BCL2L14: variants seen among roughly 807,000 people sequenced by gnomAD.
The protein encoded by BCL2L14 is apoptosis facilitator Bcl-2-like protein 14.
BCL2L14 carries 27 observed loss-of-function variants against 35.3 expected under a neutral mutation model. The observed-to-expected ratio is 0.76, with a 90% CI of 0.56 to 1.05. The LOEUF (loss-of-function observed/expected upper bound fraction) is 1.05, where lower values mean the gene tolerates loss of function less well. BCL2L14 is among the 50% of genes least tolerant of loss of function. The pLI, the probability that BCL2L14 is intolerant of heterozygous loss-of-function variation, is 0.00. For synonymous variants in BCL2L14, 139 were observed against 145.9 expected (o/e 0.95, Z 0.34); for missense variants, 377 against 382.6 (o/e 0.99, Z 0.12).
intron 1 of BCL2L14, chr12:12,072,412 G>C (rs562447383): frequency 1.3e-5 from 2 of 152,338 alleles, no homozygotes; most frequent in Non-Finnish European, 2.9e-5. Flanking sequence ...GGGGCCAGAC[G>C]TGGAGGACCC....
chr12:12,076,252 G>A (rs184200286), intron 1 of BCL2L14, among the ~76,000 whole-genome samples: 15 of 151,898 alleles, frequency 9.9e-5, no homozygotes, highest in Admixed American at 5.9e-4. Context: ...ATTGGGGAGC[G>A]GGAAGGGGTA....
At chr12:12,063,808 G>A (rs1001053770) in intron 2 of BCL2L14, among the ~76,000 whole-genome samples, 2 of 152,048 alleles carry the variant, frequency 1.3e-5, no homozygotes, top group Non-Finnish European at 2.9e-5. Flanking sequence ...GCCTGTTCCT[G>A]CCTTAACTGA....
chr12:12,087,995 G>A (rs886685115), intron 3 of BCL2L14, among the ~76,000 whole-genome samples: 19 of 152,132 alleles, frequency 1.2e-4, no homozygotes, highest in East Asian at 1.2e-3. Context: ...AGCTCTGCCC[G>A]GCATTCCCCC....
At chr12:12,065,794 A>G (rs903098900) in intron 2 of BCL2L14, among the ~76,000 whole-genome samples, 2 of 139,852 alleles carry the variant, frequency 1.4e-5, no homozygotes, top group South Asian at 2.3e-4. Context: ...CTTTGTTTCT[A>G]TTTTTTTTTT....
At chr12:12,075,043 A>G (rs1948847299) in intron 1 of BCL2L14, among the ~76,000 whole-genome samples, 1 of 152,170 alleles carries the variant, frequency 6.6e-6, no homozygotes, top group Non-Finnish European at 1.5e-5. Flanking sequence ...AGTATGTTTG[A>G]ATTACGATTT....
upstream of BCL2L14, among the ~76,000 whole-genome samples, chr12:12,066,835 T>C (rs573685236): frequency 6.6e-6 from 1 of 151,746 alleles, no homozygotes; most frequent in African/African-American, 2.4e-5. Context: ...CTCAGCCTCC[T>C]GAGTAGCTGG....
intron 1 of BCL2L14, among the ~76,000 whole-genome samples, chr12:12,072,950 G>T (rs974100440): frequency 6.6e-6 from 1 of 151,794 alleles, no homozygotes; most frequent in African/African-American, 2.4e-5. Context: ...GCACTGGCGC[G>T]ATCATAGCTC....
At chr12:12,095,097 T>G in intron 5 of BCL2L14, 167 bp downstream of exon 5, 1 of 985,162 alleles carries the variant, frequency 1.0e-6, no homozygotes, top group Non-Finnish European at 1.2e-6. Flanking sequence ...ATATTTTTAG[T>G]GATTATCTTC....
chr12:12,078,156 C>G (rs527617052), intron 1 of BCL2L14: 1 of 168,158 alleles, frequency 5.9e-6, no homozygotes, highest in South Asian at 1.3e-4. Context: ...TCCATTGCCT[C>G]CATCAGTGTG....
At chr12:12,050,809 A>AAAG (rs1948345474) in intron 1 of BCL2L14, among the ~76,000 whole-genome samples, 1 of 134,672 alleles carries the variant, frequency 7.4e-6, no homozygotes, top group African/African-American at 2.6e-5. Context: ...AAAAAAAAAA[A>AAAG]AAAAGAAAAG....
chr12:12,074,861 T>G lies in BCL2L14; in HGVS notation c.-8+3724T>G, dbSNP rs1305188418. Among the ~76,000 whole-genome samples the G allele has an allele frequency of 4.6e-5, 7 of 152,228 alleles. No homozygotes were observed. The South Asian group carries it at 6.2e-4, about 14-fold the overall frequency. On this transcript the variant is annotated intron_variant, in intron 1 of 5. Coordinates refer to ENST00000308721, the MANE Select transcript of BCL2L14 (RefSeq NM_138723.2). ...TCTTACTTTGTTGCCTAGACTGGTC[T>G]CCAAATCCAGGTCTCAAGTGATCCT...
intron 1 of BCL2L14, among the ~76,000 whole-genome samples, chr12:12,075,556 G>T (rs1196759101): frequency 6.6e-6 from 1 of 152,018 alleles, no homozygotes; most frequent in Non-Finnish European, 1.5e-5. Flanking sequence ...CTCCCGAGTA[G>T]CTGGGATTGC....
In BCL2L14 at chr12:12,073,001, C is replaced by G. The variant is rs12298865; in HGVS notation, c.-8+1864C>G. Among the ~76,000 whole-genome samples the G allele has an allele frequency of 8.0e-3, 1,224 of 152,220 alleles. 21 individuals are homozygous for G. The highest frequency in any genetic ancestry group is 0.027 in the African/African-American group (1,125 of 41,536). ...TCCCAGGCTCAAGCGATTCTCCCCC[C>G]TCAGCCTCCCAAGTGGCTGGGACTG... On this transcript the variant is annotated intron_variant, in intron 1 of 5. Transcript: ENST00000308721.
chr12:12,076,462 C>A (rs895772178), intron 1 of BCL2L14, among the ~76,000 whole-genome samples: 1 of 152,142 alleles, frequency 6.6e-6, no homozygotes. Context: ...GCAGTCATGA[C>A]CCCCACTTCA....
chr12:12,086,315 C>G (rs1949042009), intron 2 of BCL2L14, among the ~76,000 whole-genome samples: 1 of 151,992 alleles, frequency 6.6e-6, no homozygotes, highest in Non-Finnish European at 1.5e-5. Flanking sequence ...GAGACTCTGT[C>G]TGGAAAAAAG....
At chr12:12,077,303 A>G (rs201671765) in intron 1 of BCL2L14, among the ~76,000 whole-genome samples, 12,706 of 152,134 alleles carry the variant, frequency 0.084, 566 homozygotes, top group East Asian at 0.15. Flanking sequence ...GCACTTTGGG[A>G]GGCTGAGGCA....
intron 2 of BCL2L14, among the ~76,000 whole-genome samples, chr12:12,063,420 C>T (rs1364677840): frequency 1.4e-5 from 2 of 147,950 alleles, no homozygotes; most frequent in African/African-American, 5.0e-5. Flanking sequence ...TCAATTCATA[C>T]AAAACTATAT....
chr12:12,079,931 G>A (rs763509797), intron 2 of BCL2L14, among the ~76,000 whole-genome samples, 193 bp downstream of exon 2: 5 of 152,306 alleles, frequency 3.3e-5, no homozygotes, highest in South Asian at 2.1e-4. Context: ...CTGCCTGGGC[G>A]CGGTGGCTCA....
At chr12:12,093,515 G>A (rs10845480) in intron 4 of BCL2L14, among the ~76,000 whole-genome samples, 34,316 of 151,916 alleles carry the variant, frequency 0.23, 4,085 homozygotes, top group Middle Eastern at 0.38. Context: ...GGCTGGGTAC[G>A]GGCACAGTGG....
Sources: allele counts gnomAD v4.1 joint callset (sites outside exome capture counted in the v4.1 genomes callset), GRCh38; gene constraint gnomAD v4.1.1; transcripts MANE v1.5; gene names NCBI Gene and HGNC (gene_info 2026-07-23, HGNC 2026-07-21).